Variants in HACD4 observed in about 807,000 individuals in gnomAD.
HACD4 encodes very-long-chain (3R)-3-hydroxyacyl-CoA dehydratase 4.
In HACD4, 35 loss-of-function variants were observed where a neutral mutation model predicts 33.3. That is an observed-to-expected ratio of 1.05 (90% confidence interval 0.80 to 1.39). The LOEUF is 1.39. HACD4 is among the 40% of genes most tolerant of loss of function. HACD4 has a pLI of 0.00. For missense variants in HACD4, 323 were observed against 276.5 expected (o/e 1.17, Z -1.19); for synonymous variants, 118 against 98.0 (o/e 1.20, Z -1.21).
intron 3 of HACD4, among the ~76,000 whole-genome samples, chr9:21,025,296 C>T (rs1818033023): frequency 6.6e-6 from 1 of 152,038 alleles, no homozygotes; most frequent in Admixed American, 6.6e-5. Flanking sequence ...TCTTAAAAGG[C>T]TCCTTAGGAT....
intron 3 of HACD4, among the ~76,000 whole-genome samples, chr9:21,024,816 A>C (rs1818021437): frequency 6.6e-6 from 1 of 152,248 alleles, no homozygotes; most frequent in Non-Finnish European, 1.5e-5. Context: ...AGGCCTTTAA[A>C]AAATACCAAT....
chr9:21,020,727 C>A (rs956876155), intron 3 of HACD4, among the ~76,000 whole-genome samples: 2 of 152,026 alleles, frequency 1.3e-5, no homozygotes, highest in Non-Finnish European at 2.9e-5. Flanking sequence ...GTAAAAGTAT[C>A]AAAGTTTACT....
Position 21,011,695 on chromosome 9 carries a change from C to G in HACD4, c.384G>C (p.Arg128Ser), listed in dbSNP as rs755819076. Residue 128 changes from arginine to serine, a missense_variant and splice_region_variant, in exon 5 of 7, where the codon AGG becomes AGC. Arg to Ser is a moderately radical substitution (Grantham distance 110). Coordinates refer to ENST00000495827, the MANE Select transcript of HACD4 (RefSeq NM_001010915.5). ...FVFWNLLDMV[R>S]YTYSMLSVIG... is the part of the protein sequence containing the mutation. ...TGACTGATAACATGCTATAAGTGTA[C>G]CTGAAAGGAGATGAGAAGCTCATAA... The G allele has an allele frequency of 6.4e-7, 1 of 1,553,840 alleles. No individual in the cohort carries two copies. The highest frequency in any genetic ancestry group is 1.7e-4 in the Middle Eastern group (1 of 5,950).
intron 3 of HACD4, among the ~76,000 whole-genome samples, chr9:21,023,897 A>G (rs1311478547): frequency 6.6e-6 from 1 of 152,224 alleles, no homozygotes; most frequent in Non-Finnish European, 1.5e-5. Flanking sequence ...TCTTGAAGGT[A>G]ATAATCAAAA....
At position 21,012,028 on chromosome 9, in the gene HACD4, G is replaced by A. The variant is rs118016373; in HGVS notation, c.384-333C>T. 8.0e-3 allele frequency among the ~76,000 whole-genome samples: 1,211 copies of A among 152,236 alleles called. 9 individuals carry two copies. Among genetic ancestry groups the A allele is most frequent in the Admixed American group, 0.011 (165 of 15,302 alleles). ...CTCATTTTTTGCAGCAAGCAGCTAG[G>A]TTTTTTAATGACAGACATACTTGTA... On this transcript the variant is annotated intron_variant, in intron 4 of 6. Transcript: ENST00000495827.
intron 3 of HACD4, among the ~76,000 whole-genome samples, chr9:21,021,053 G>A (rs1817896057): frequency 6.6e-6 from 1 of 152,104 alleles, no homozygotes; most frequent in Admixed American, 6.6e-5. Flanking sequence ...CTTCATCCCT[G>A]GGATGCAAGG....
At chr9:21,013,220 G>C (rs1416859467) in intron 4 of HACD4, among the ~76,000 whole-genome samples, 1 of 151,836 alleles carries the variant, frequency 6.6e-6, no homozygotes, top group Non-Finnish European at 1.5e-5. Context: ...TTATATGTGA[G>C]TGGTTAACTT....
At position 21,026,708 on chromosome 9, in the gene HACD4, G is replaced by C; in HGVS notation, c.158C>G (p.Thr53Ser). The part of the protein sequence containing the change: ...FSFGKDSMVD[T>S]FYAIGLVMRL... ...CATCACAAGTCCAATAGCATAAAAA[G>C]TGTCAACCATTGAATCTGTATCCCG... is the stretch of plus-strand genomic sequence containing the variant. Residue 53 changes from threonine to serine, a missense_variant, in exon 3 of 7, where the codon ACT becomes AGT. By Grantham distance (58) the Thr-to-Ser change is moderately conservative. Transcript: ENST00000495827. 6.2e-7 allele frequency: 1 copy of C among 1,613,662 alleles called. No individual in the cohort carries two copies. Among genetic ancestry groups the C allele is most frequent in the Non-Finnish European group, 8.5e-7 (1 of 1,179,708 alleles).
At chr9:21,029,165 G>C in intron 2 of HACD4, 130 bp downstream of exon 2, 1 of 586,420 alleles carries the variant, frequency 1.7e-6, no homozygotes, top group Non-Finnish European at 3.0e-6. Context: ...CAATAAACAT[G>C]GTTGCTAAAA....
intron 5 of HACD4, among the ~76,000 whole-genome samples, chr9:21,009,196 T>A (rs907623348): frequency 3.3e-5 from 5 of 152,162 alleles, no homozygotes; most frequent in African/African-American, 9.6e-5. Context: ...AACTGCGCAG[T>A]TTTATACTTT....
chr9:21,029,247 AAAC>A, intron 2 of HACD4, 45 bp downstream of exon 2: 1 of 1,065,216 alleles, frequency 9.4e-7, no homozygotes, highest in Non-Finnish European at 1.4e-6. Context: ...GATGAGGTGA[AAAC>A]AAGGATTAAA....
intron 3 of HACD4, among the ~76,000 whole-genome samples, chr9:21,022,187 A>G (rs531571357): frequency 6.6e-6 from 1 of 152,242 alleles, no homozygotes; most frequent in East Asian, 1.9e-4. Flanking sequence ...ATGTAGCTGA[A>G]ACTGAATCCC....
chr9:21,023,223 TG>T (rs1012014873), intron 3 of HACD4, among the ~76,000 whole-genome samples: 4 of 27,824 alleles, frequency 1.4e-4, no homozygotes, highest in African/African-American at 5.5e-4. Flanking sequence ...TGTTGTGGGG[TG>T]GGGGGAGGGG....
At chr9:21,012,419 A>G (rs1564271960) in intron 4 of HACD4, among the ~76,000 whole-genome samples, 1 of 152,198 alleles carries the variant, frequency 6.6e-6, no homozygotes, top group African/African-American at 2.4e-5. Flanking sequence ...TCTAGGGACC[A>G]CACTTTGAGA....
intron 6 of HACD4, 73 bp from the exon 7 acceptor site, chr9:21,007,192 TAC>T: frequency 1.2e-6 from 1 of 845,052 alleles, no homozygotes; most frequent in East Asian, 2.4e-5. Context: ...GCTTTTAAAA[TAC>T]AGTCAGAGTG....
At position 21,007,562 on chromosome 9, in the gene HACD4, G is replaced by T. The variant is rs190438912; in HGVS notation, c.617-443C>A. On this transcript the variant is annotated intron_variant, in intron 6 of 6. Transcript: ENST00000495827. ...AGGTTTAATGATCAAATTTATTCAA[G>T]GGTAAGTTTTTGTTCCATACATTTC... is the stretch of plus-strand genomic sequence containing the variant. 2.2e-3 allele frequency among the ~76,000 whole-genome samples: 331 copies of T among 152,254 alleles called. 6 individuals are homozygous for T. The highest frequency in any genetic ancestry group is 5.1e-4 in the Non-Finnish European group (35 of 68,000).
In HACD4 at chr9:21,007,138, T is replaced by A; in HGVS notation, c.617-19A>T. On this transcript the variant is annotated intron_variant, in intron 6 of 6. Coordinates refer to ENST00000495827, the MANE Select transcript of HACD4 (RefSeq NM_001010915.5). ...TACATACCTAATATGGAGAAAGAAG[T>A]TGCAAAAGTAAGTAAGGTTAACTAT... 8 of 1,285,382 alleles carry A rather than the reference T, an allele frequency of 6.2e-6. No homozygotes were observed. Among genetic ancestry groups the A allele is most frequent in the Non-Finnish European group, 9.1e-6 (8 of 881,184 alleles). The allele number at this position is 1,285,382 out of a possible 1,614,324, so 79.6% of individuals were successfully genotyped here.
chr9:21,030,231 C>A (rs1239497930), intron 1 of HACD4, among the ~76,000 whole-genome samples: 2 of 133,846 alleles, frequency 1.5e-5, no homozygotes, highest in African/African-American at 2.9e-5. Context: ...CACTTGAGGC[C>A]AGAAGTTCAA....
intron 3 of HACD4, among the ~76,000 whole-genome samples, chr9:21,023,135 A>G (rs1213867368): frequency 6.8e-6 from 1 of 147,830 alleles, no homozygotes; most frequent in East Asian, 2.0e-4. Context: ...AACAAACACC[A>G]CATGTTCTCC....
Sources: allele counts gnomAD v4.1 joint callset (sites outside exome capture counted in the v4.1 genomes callset), GRCh38; gene constraint gnomAD v4.1.1; transcripts MANE v1.5; gene names NCBI Gene and HGNC (gene_info 2026-07-23, HGNC 2026-07-21).